CRB1: variants seen among roughly 807,000 people sequenced by gnomAD.
CRB1 encodes protein crumbs homolog 1.
In CRB1, 83 loss-of-function variants were observed where a neutral mutation model predicts 120.0. That is an observed-to-expected ratio of 0.69 (90% confidence interval 0.58 to 0.83). The LOEUF is 0.83. Among genes scored for constraint, CRB1 ranks in the 40% least tolerant of loss-of-function variants. CRB1 has a pLI of 0.00. For missense variants in CRB1, 1,699 were observed against 1,687.6 expected, an observed-to-expected ratio of 1.01 and a Z score of -0.12; for synonymous variants, 625 against 612.5, an observed-to-expected ratio of 1.02 and a Z score of -0.30.
At chr1:197,293,559 CTACTT>C (rs1656329782) in intron 1 of CRB1, among the ~76,000 whole-genome samples, 5 of 152,082 alleles carry the variant, frequency 3.3e-5, no homozygotes, top group Admixed American at 3.3e-4. Context: ...CTGGAAAAAA[CTACTT>C]TAAAGTTCAT....
At chr1:197,341,282 C>T (rs1659442158) in intron 2 of CRB1, among the ~76,000 whole-genome samples, 1 of 152,166 alleles carries the variant, frequency 6.6e-6, no homozygotes, top group Non-Finnish European at 1.5e-5. Context: ...GTGGCTCATG[C>T]CTGTAATCCC....
intron 5 of CRB1, among the ~76,000 whole-genome samples, chr1:197,359,671 CA>C (rs1168202678): frequency 6.6e-6 from 1 of 152,130 alleles, no homozygotes; most frequent in Non-Finnish European, 1.5e-5. Flanking sequence ...AAGAAACTGT[CA>C]AACTGTTTTC....
chr1:197,369,049 G>C (rs1044919239), intron 5 of CRB1, among the ~76,000 whole-genome samples: 4 of 152,198 alleles, frequency 2.6e-5, no homozygotes, highest in Admixed American at 2.6e-4. Context: ...GGAGGTTGAG[G>C]ATATTGGGAG....
At chr1:197,435,948 T>C (rs1665140047) in intron 9 of CRB1, among the ~76,000 whole-genome samples, 1 of 152,126 alleles carries the variant, frequency 6.6e-6, no homozygotes, top group South Asian at 2.1e-4. Flanking sequence ...AAAGCTGAAA[T>C]GTAGTATTGT....
chr1:197,421,165 C>A lies in CRB1; in HGVS notation c.1337C>A (p.Thr446Asn), dbSNP rs1215864611. Residue 446 changes from threonine (T) to asparagine (N), a missense_variant, in exon 6 of 12, where the codon ACC becomes AAC. By Grantham distance (65) the Thr-to-Asn change is moderately conservative. Transcript: ENST00000367400. ...TGTTCTGATATTCTCCTGGGCTGTA[C>A]CCATCAGCAATGTCTAAATAATGGA... is the stretch of plus-strand genomic sequence containing the variant. ...RDCSDILLGC[T>N]HQQCLNNGTC... 1 of 1,614,086 alleles carries A rather than the reference C, an allele frequency of 6.2e-7. No individual in the cohort carries two copies. The highest frequency in any genetic ancestry group is 1.7e-5 in the Admixed American group (1 of 60,022).
chr1:197,243,795 T>C, the CRB1 span, among the ~76,000 whole-genome samples: 1 of 152,148 alleles, frequency 6.6e-6, no homozygotes, highest in African/African-American at 2.4e-5. Flanking sequence ...CCACTATTAT[T>C]GTGTGGGGGT....
At chr1:197,268,625 G>A (rs1227800194) in intron 1 of CRB1, 143 bp downstream of exon 1, 2 of 650,060 alleles carry the variant, frequency 3.1e-6, no homozygotes, top group Non-Finnish European at 5.3e-6. Context: ...TAAGTGTCCT[G>A]TGTTAAAGAA....
At chr1:197,467,405 A>G (rs1309117490) in intron 11 of CRB1, among the ~76,000 whole-genome samples, 2 of 152,290 alleles carry the variant, frequency 1.3e-5, no homozygotes, top group South Asian at 2.1e-4. Flanking sequence ...GTATCTCTTA[A>G]GAAAGAAGGC....
intron 1 of CRB1, among the ~76,000 whole-genome samples, chr1:197,315,001 C>T (rs1657758531): frequency 6.6e-6 from 1 of 152,186 alleles, no homozygotes; most frequent in Admixed American, 6.5e-5. Context: ...CTGACCTCAT[C>T]CTCTTCAGCT....
the CRB1 span, among the ~76,000 whole-genome samples, chr1:197,211,658 A>G: frequency 6.3e-3 from 958 of 152,332 alleles, 13 homozygotes; most frequent in African/African-American, 0.022. Context: ...AAAGGGGATT[A>G]GGTTTTAGCT....
intron 1 of CRB1, among the ~76,000 whole-genome samples, chr1:197,305,941 T>A (rs2125262181): frequency 6.6e-6 from 1 of 150,978 alleles, no homozygotes; most frequent in East Asian, 1.9e-4. Context: ...TGAGCAAGCC[T>A]GCAACATTAT....
chr1:197,320,010 T>G lies in CRB1; in HGVS notation c.71-8412T>G, dbSNP rs1658099379. 7.2e-5 allele frequency among the ~76,000 whole-genome samples: 11 copies of G among 152,242 alleles called. No homozygotes were observed. In the South Asian group the frequency reaches 2.3e-3, roughly 32 times the overall value. On this transcript the variant is annotated intron_variant, in intron 1 of 11. Transcript: ENST00000367400. ...GATGAAACGCTTAAAATCTTGCTTT[T>G]GTTTTGTAAAGATTAAATGGTTAAT...
At chr1:197,291,707 G>A (rs923488215) in intron 1 of CRB1, among the ~76,000 whole-genome samples, 3 of 151,706 alleles carry the variant, frequency 2.0e-5, no homozygotes, top group Non-Finnish European at 4.4e-5. Context: ...CACATTCCTG[G>A]ACAGCCTGTT....
At chr1:197,308,664 T>C (rs1270645323) in intron 1 of CRB1, among the ~76,000 whole-genome samples, 1 of 151,990 alleles carries the variant, frequency 6.6e-6, no homozygotes, top group African/African-American at 2.4e-5. Context: ...ATAAAAAGAT[T>C]TATCTATTAG....
chr1:197,440,085 G>A (rs1665360672), intron 10 of CRB1: 1 of 152,136 alleles, frequency 6.6e-6, no homozygotes, highest in Admixed American at 6.6e-5. Flanking sequence ...AGATCGTTTA[G>A]TTGTATTCCA....
At chr1:197,291,412 A>G (rs997596366) in intron 1 of CRB1, among the ~76,000 whole-genome samples, 3 of 151,768 alleles carry the variant, frequency 2.0e-5, no homozygotes, top group African/African-American at 7.3e-5. Flanking sequence ...TTAATTTTCT[A>G]AGATTAGTTG....
At chr1:197,400,304 CTTTTTT>C (rs200472313) in intron 5 of CRB1, among the ~76,000 whole-genome samples, 2 of 127,080 alleles carry the variant, frequency 1.6e-5, no homozygotes, top group Non-Finnish European at 3.3e-5. Flanking sequence ...AATGTAAGAG[CTTTTTT>C]TTTTTTTTTT....
At chr1:197,279,230 T>G (rs184892862) in intron 1 of CRB1, among the ~76,000 whole-genome samples, 25 of 151,814 alleles carry the variant, frequency 1.6e-4, no homozygotes, top group Admixed American at 1.6e-3. Context: ...AGAGGTTGGG[T>G]AAGGAAAGAG....
chr1:197,274,467 A>G (rs1246091037), intron 1 of CRB1, among the ~76,000 whole-genome samples: 1 of 152,134 alleles, frequency 6.6e-6, no homozygotes, highest in East Asian at 1.9e-4. Flanking sequence ...GTCCTAAATG[A>G]TTTTATAAAT....
Sources: gnomAD v4.1 joint callset for allele counts (sites outside exome capture counted in the v4.1 genomes callset) on GRCh38, gnomAD v4.1.1 for gene constraint, MANE v1.5 for transcripts, NCBI Gene and HGNC (gene_info 2026-07-23, HGNC 2026-07-21) for gene names.